The following DENND1B variants were observed in gnomAD, a reference collection of about 807,000 sequenced individuals.
DENND1B encodes the protein DENN domain containing 1B, also known as DENN domain-containing protein 1B.
DENND1B carries 59 observed loss-of-function variants against 90.1 expected under a neutral mutation model. The observed-to-expected ratio is 0.65, with a 90% CI of 0.53 to 0.81. The LOEUF (loss-of-function observed/expected upper bound fraction) is 0.81, where lower values mean the gene tolerates loss of function less well. Among genes scored for constraint, DENND1B ranks in the 40% least tolerant of loss-of-function variants. The probability of loss-of-function intolerance (pLI) is 0.00; values close to 1 mark genes in which losing one functional copy is unlikely to be tolerated. For missense variants in DENND1B, 862 were observed against 912.6 expected (o/e 0.94, Z 0.71); for synonymous variants, 337 against 324.6 (o/e 1.04, Z -0.41).
At chr1:197,645,786 A>G in intron 8 of DENND1B, 43 bp from the exon 9 acceptor site, 1 of 1,298,328 alleles carries the variant, frequency 7.7e-7, no homozygotes, top group Non-Finnish European at 1.1e-6. Flanking sequence ...GATAATTAAA[A>G]CTGGTAACAT....
chr1:197,736,090 G>C, intron 2 of DENND1B: 3 of 770,222 alleles, frequency 3.9e-6, no homozygotes, highest in South Asian at 3.1e-5. Flanking sequence ...TTCAGTTCTC[G>C]AGTTGGTGGA....
chr1:197,779,924 G>C (rs116498485), upstream of DENND1B, among the ~76,000 whole-genome samples: 1,080 of 152,054 alleles, frequency 7.1e-3, 12 homozygotes, highest in African/African-American at 0.024. Flanking sequence ...TTTATGTTAT[G>C]TGATCCTTAG....
chr1:197,541,898 C>T (rs143385795), intron 18 of DENND1B, among the ~76,000 whole-genome samples: 30 of 152,338 alleles, frequency 2.0e-4, no homozygotes, highest in African/African-American at 7.2e-4. Context: ...CTTGATCACA[C>T]TAATCTTTTC....
intron 6 of DENND1B, among the ~76,000 whole-genome samples, chr1:197,654,235 A>G (rs1653556941): frequency 6.6e-6 from 1 of 152,108 alleles, no homozygotes. Context: ...TATAAATAAT[A>G]CCTCCCTTAC....
In DENND1B at chr1:197,573,223, T is replaced by C. The variant is rs192638550; in HGVS notation, c.1149+9929A>G. On this transcript the variant is annotated intron_variant, in intron 15 of 22. Transcript: ENST00000620048. ...CTCTTGCTTTTCTAGTTCTTTTAAT[T>C]GTGATGTTAGGGTGTCAATTTTGGA... Among the ~76,000 whole-genome samples the C allele has an allele frequency of 4.6e-5, 7 of 152,244 alleles. No homozygotes were observed. The East Asian group carries it at 1.2e-3, about 25-fold the overall frequency.
intron 2 of DENND1B, among the ~76,000 whole-genome samples, chr1:197,755,001 A>G (rs1049080895): frequency 6.6e-6 from 1 of 152,230 alleles, no homozygotes; most frequent in Non-Finnish European, 1.5e-5. Context: ...GCATACATAT[A>G]CAGACACACA....
intron 3 of DENND1B, among the ~76,000 whole-genome samples, chr1:197,676,044 G>A (rs1050652032): frequency 2.1e-5 from 3 of 141,418 alleles, no homozygotes; most frequent in African/African-American, 8.1e-5. Context: ...AATTCAACCA[G>A]CCAGCAGGTC....
At chr1:197,674,496 G>A (rs1401414242) in intron 3 of DENND1B, among the ~76,000 whole-genome samples, 2 of 152,106 alleles carry the variant, frequency 1.3e-5, no homozygotes, top group African/African-American at 4.8e-5. Context: ...GGTAAGCTAC[G>A]TCTGCTGCTA....
intron 3 of DENND1B, among the ~76,000 whole-genome samples, chr1:197,697,953 C>G (rs1389443870): frequency 3.9e-5 from 6 of 151,990 alleles, no homozygotes; most frequent in Admixed American, 1.3e-4. Flanking sequence ...GACTTAGACT[C>G]CCACACAATA....
chr1:197,665,672 A>C (rs904286515), intron 5 of DENND1B, among the ~76,000 whole-genome samples: 3 of 152,136 alleles, frequency 2.0e-5, no homozygotes, highest in African/African-American at 7.2e-5. Context: ...GAAATATCTT[A>C]AAGCTTCTTA....
intron 2 of DENND1B, among the ~76,000 whole-genome samples, chr1:197,760,747 C>T (rs1023634039): frequency 2.6e-5 from 4 of 151,816 alleles, no homozygotes; most frequent in Non-Finnish European, 2.9e-5. Context: ...TTTTAAACAG[C>T]TATATCAGCT....
intron 18 of DENND1B, among the ~76,000 whole-genome samples, chr1:197,544,043 A>T (rs1281184960): frequency 6.6e-6 from 1 of 152,198 alleles, no homozygotes; most frequent in African/African-American, 2.4e-5. Flanking sequence ...AATTTATTGA[A>T]CACAACACAC....
At chr1:197,605,773 C>T (rs1365093303) in intron 13 of DENND1B, 1 of 151,064 alleles carries the variant, frequency 6.6e-6, no homozygotes, top group African/African-American at 2.4e-5. Context: ...ATAAGTTTTA[C>T]TACAGTAAGA....
chr1:197,708,099 T>C (rs1198297113), intron 3 of DENND1B, among the ~76,000 whole-genome samples: 4 of 126,020 alleles, frequency 3.2e-5, no homozygotes, highest in Non-Finnish European at 6.6e-5. Flanking sequence ...TCGCGCTGAT[T>C]GCTAGCACAG....
At chr1:197,664,500 A>G (rs1278895457) in intron 5 of DENND1B, among the ~76,000 whole-genome samples, 2 of 152,238 alleles carry the variant, frequency 1.3e-5, no homozygotes, top group East Asian at 1.9e-4. Context: ...AGAGATATAC[A>G]TAAAGTCATG....
intron 12 of DENND1B, among the ~76,000 whole-genome samples, chr1:197,611,405 A>G (rs1677171514): frequency 1.3e-5 from 2 of 150,838 alleles, no homozygotes; most frequent in Admixed American, 1.3e-4. Flanking sequence ...AATTGTGGAA[A>G]AAAATTACTA....
intron 2 of DENND1B, among the ~76,000 whole-genome samples, chr1:197,756,292 A>G (rs1654275891): frequency 6.6e-6 from 1 of 152,156 alleles, no homozygotes; most frequent in African/African-American, 2.4e-5. Flanking sequence ...TGCTTTTATT[A>G]GGCTGGGCAT....
chr1:197,572,255 G>A (rs1673231487), intron 15 of DENND1B, among the ~76,000 whole-genome samples: 1 of 152,276 alleles, frequency 6.6e-6, no homozygotes, highest in Non-Finnish European at 1.5e-5. Flanking sequence ...CAGCAGACCA[G>A]GAGAGTCTCT....
chr1:197,766,910 C>T (rs1655769614), intron 2 of DENND1B, among the ~76,000 whole-genome samples: 1 of 152,120 alleles, frequency 6.6e-6, no homozygotes, highest in Admixed American at 6.6e-5. Context: ...TCTCCTGCCT[C>T]AGCCTCTCAA....
Sources: allele counts gnomAD v4.1 joint callset (sites outside exome capture counted in the v4.1 genomes callset), GRCh38; gene constraint gnomAD v4.1.1; transcripts MANE v1.5; gene names NCBI Gene and HGNC (gene_info 2026-07-23, HGNC 2026-07-21).